CACHD1: variants seen among roughly 807,000 people sequenced by gnomAD.
CACHD1 encodes cache domain containing 1, also known as VWFA and cache domain-containing protein 1.
In CACHD1, 71 loss-of-function variants were observed where a neutral mutation model predicts 138.7. The ratio of observed to expected loss-of-function variants is 0.51; its 90% CI spans 0.42 to 0.62. The LOEUF is 0.62. Among genes scored for constraint, CACHD1 ranks in the 20% least tolerant of loss-of-function variants. CACHD1 has a pLI of 0.00. For synonymous variants in CACHD1, 578 were observed against 591.5 expected (o/e 0.98, Z 0.33); for missense variants, 1,389 against 1,625.3 (o/e 0.85, Z 2.50).
intron 1 of CACHD1, among the ~76,000 whole-genome samples, chr1:64,518,968 A>T (rs1399079516): frequency 6.6e-6 from 1 of 152,100 alleles, no homozygotes; most frequent in Non-Finnish European, 1.5e-5. Context: ...TTCCAACCTT[A>T]GTGGTTCTAT....
chr1:64,565,461 C>G (rs1646874425), intron 2 of CACHD1, among the ~76,000 whole-genome samples: 1 of 152,168 alleles, frequency 6.6e-6, no homozygotes, highest in Non-Finnish European at 1.5e-5. Flanking sequence ...AACCAGAGCC[C>G]TGGCAGGTTT....
Position 64,673,179 on chromosome 1 carries a change from G to A in CACHD1, c.2532G>A (p.Arg844=), listed in dbSNP as rs780198951. 6.2e-7 allele frequency: 1 copy of A among 1,613,606 alleles called. No homozygotes were observed. The part of the protein sequence containing the change: ...NKIRCFIMED[R]GYLVAHPTLI... Reference sequence around the variant, plus strand: ...ACAGGTGCTTCATAATGGAGGACAGGGGTTATCTGGTGGCGCACCCGACTC... The same window carrying A: ...ACAGGTGCTTCATAATGGAGGACAGAGGTTATCTGGTGGCGCACCCGACTC... Residue 844 remains arginine, a synonymous_variant, in exon 18 of 27, where the codon AGG becomes AGA. Coordinates refer to ENST00000651257, the MANE Select transcript of CACHD1 (RefSeq NM_020925.4).
At chr1:64,629,296 C>G in intron 4 of CACHD1, 59 bp from the exon 5 acceptor site, 1 of 1,567,384 alleles carries the variant, frequency 6.4e-7, no homozygotes, top group Non-Finnish European at 8.7e-7. Flanking sequence ...GCCTGAGGAG[C>G]AGTGCCTGCA....
chr1:64,582,025 G>A, intron 2 of CACHD1, 131 bp from the exon 3 acceptor site: 1 of 984,474 alleles, frequency 1.0e-6, no homozygotes, highest in Non-Finnish European at 1.5e-6. Flanking sequence ...TATGACTTGG[G>A]TGTGTGTTGT....
In CACHD1 at chr1:64,529,075, A is replaced by G. The variant is rs144422101; in HGVS notation, c.199-21519A>G. ...ATGGGATTTGAATTCATGAATCTATAGTCTGGTGTTTGTTTTTATGAAAGA... is the reference window on the plus strand; with the variant it reads ...ATGGGATTTGAATTCATGAATCTATGGTCTGGTGTTTGTTTTTATGAAAGA... On this transcript the variant is annotated intron_variant, in intron 1 of 26. Coordinates refer to ENST00000651257, the MANE Select transcript of CACHD1 (RefSeq NM_020925.4). Among the ~76,000 whole-genome samples the G allele has an allele frequency of 1.5e-3, 230 of 152,214 alleles. 5 individuals carry two copies. The highest frequency in any genetic ancestry group is 5.1e-3 in the African/African-American group (210 of 41,552).
intron 1 of CACHD1, among the ~76,000 whole-genome samples, chr1:64,538,261 C>T (rs1271915359): frequency 6.6e-6 from 1 of 152,186 alleles, no homozygotes; most frequent in Non-Finnish European, 1.5e-5. Context: ...CACATTTAAA[C>T]TCATCATTTT....
intron 24 of CACHD1, among the ~76,000 whole-genome samples, chr1:64,680,221 G>A (rs1305643338): frequency 6.6e-6 from 1 of 152,166 alleles, no homozygotes; most frequent in African/African-American, 2.4e-5. Context: ...AATCGCGGTG[G>A]CTCATGCCTG....
At chr1:64,598,303 G>A (rs1557512493) in intron 3 of CACHD1, among the ~76,000 whole-genome samples, 2 of 152,180 alleles carry the variant, frequency 1.3e-5, no homozygotes, top group East Asian at 3.8e-4. Flanking sequence ...GCAGAGTGAG[G>A]TTGATTTCTA....
In CACHD1 at chr1:64,673,179, G is replaced by T; in HGVS notation, c.2532G>T (p.Arg844Ser). ...ACAGGTGCTTCATAATGGAGGACAG[G>T]GGTTATCTGGTGGCGCACCCGACTC... ...NKIRCFIMED[R>S]GYLVAHPTLI... is the part of the protein sequence containing the mutation. Residue 844 changes from arginine to serine, a missense_variant, in exon 18 of 27, where the codon AGG (arginine) becomes AGT (serine). Transcript: ENST00000651257. The T allele has an allele frequency of 6.2e-7, 1 of 1,613,606 alleles. No individual in the cohort carries two copies. Among genetic ancestry groups the T allele is most frequent in the African/African-American group, 1.3e-5 (1 of 74,972 alleles).
chr1:64,629,183 G>A (rs1648214011), intron 4 of CACHD1, among the ~76,000 whole-genome samples, 172 bp from the exon 5 acceptor site: 2 of 152,134 alleles, frequency 1.3e-5, no homozygotes, highest in African/African-American at 4.8e-5. Context: ...TTCTGTTCTT[G>A]GGGTGTTTTT....
At chr1:64,481,165 G>A (rs1646209661) in intron 1 of CACHD1, among the ~76,000 whole-genome samples, 1 of 152,066 alleles carries the variant, frequency 6.6e-6, no homozygotes, top group Non-Finnish European at 1.5e-5. Context: ...ATGCTTTATT[G>A]TAATTGTAGA....
At chr1:64,620,924 C>T (rs924100746) in intron 4 of CACHD1, among the ~76,000 whole-genome samples, 2 of 152,042 alleles carry the variant, frequency 1.3e-5, no homozygotes, top group Admixed American at 6.6e-5. Flanking sequence ...GGAGGAATGG[C>T]CCTAACTTAC....
chr1:64,501,712 CT>C (rs767650371), intron 1 of CACHD1, among the ~76,000 whole-genome samples: 18 of 152,292 alleles, frequency 1.2e-4, no homozygotes, highest in Non-Finnish European at 2.6e-4. Context: ...GTACCTTTCT[CT>C]CTGCAAGGTG....
At chr1:64,518,844 C>G (rs1051522102) in intron 1 of CACHD1, among the ~76,000 whole-genome samples, 1 of 152,130 alleles carries the variant, frequency 6.6e-6, no homozygotes, top group Non-Finnish European at 1.5e-5. Flanking sequence ...TGGGTATTTT[C>G]CTGCTGCCTT....
chr1:64,505,536 G>A (rs928748559), intron 1 of CACHD1, among the ~76,000 whole-genome samples: 1 of 29,116 alleles, frequency 3.4e-5, no homozygotes, highest in Non-Finnish European at 7.6e-5. Flanking sequence ...CCCCGCCCCC[G>A]GGCCGCGCCC....
chr1:64,575,816 T>G (rs1286736971), intron 2 of CACHD1, among the ~76,000 whole-genome samples: 1 of 152,208 alleles, frequency 6.6e-6, no homozygotes, highest in East Asian at 1.9e-4. Flanking sequence ...TCTTTTACCT[T>G]TTTCTAACTA....
At chr1:64,579,257 C>T (rs11208472) in intron 2 of CACHD1, among the ~76,000 whole-genome samples, 1 of 152,072 alleles carries the variant, frequency 6.6e-6, no homozygotes, top group Admixed American at 6.6e-5. Flanking sequence ...TCATTCTTAG[C>T]TCATGGCCTA....
intron 7 of CACHD1, among the ~76,000 whole-genome samples, chr1:64,634,852 C>T (rs72914261): frequency 0.07 from 10,680 of 151,756 alleles, 1,238 homozygotes; most frequent in African/African-American, 0.24. Flanking sequence ...AAAAATTAGG[C>T]AGGCATGGTG....
intron 1 of CACHD1, among the ~76,000 whole-genome samples, chr1:64,539,405 A>T (rs1339443238): frequency 6.6e-6 from 1 of 152,192 alleles, no homozygotes; most frequent in Non-Finnish European, 1.5e-5. Context: ...CCTGGCTTGA[A>T]AACCCTGCAC....
Sources: allele counts gnomAD v4.1 joint callset (sites outside exome capture counted in the v4.1 genomes callset), GRCh38; gene constraint gnomAD v4.1.1; transcripts MANE v1.5; gene names NCBI Gene and HGNC (gene_info 2026-07-23, HGNC 2026-07-21).